The following MTMR2 variants were observed in gnomAD, a reference collection of about 807,000 sequenced individuals.
The protein encoded by MTMR2 is phosphatidylinositol-3,5-bisphosphate 3-phosphatase MTMR2.
In MTMR2, 55 loss-of-function variants were observed where a neutral mutation model predicts 86.9. The observed-to-expected ratio is 0.63, with a 90% CI of 0.51 to 0.79. The LOEUF is 0.79. Ranked by LOEUF, MTMR2 falls within the 30% of genes least tolerant of loss-of-function variation. The pLI, the probability that MTMR2 is intolerant of heterozygous loss-of-function variation, is 0.00. For missense variants in MTMR2, 659 were observed against 772.3 expected, an observed-to-expected ratio of 0.85 and a Z score of 1.74; for synonymous variants, 241 against 266.8, an observed-to-expected ratio of 0.90 and a Z score of 0.94.
At chr11:95,877,409 A>T (rs1016484338) in intron 2 of MTMR2, among the ~76,000 whole-genome samples, 2 of 145,262 alleles carry the variant, frequency 1.4e-5, no homozygotes, top group African/African-American at 2.6e-5. Flanking sequence ...TGAAACCACA[A>T]CTAGCCAAAG....
intron 1 of MTMR2, among the ~76,000 whole-genome samples, chr11:95,909,975 T>A (rs1289015561): frequency 6.6e-6 from 1 of 152,140 alleles, no homozygotes; most frequent in Non-Finnish European, 1.5e-5. Context: ...CTCTATAATG[T>A]AAAATGTCTT....
chr11:95,878,989 G>T (rs1865225806), intron 2 of MTMR2, among the ~76,000 whole-genome samples: 1 of 152,032 alleles, frequency 6.6e-6, no homozygotes, highest in Non-Finnish European at 1.5e-5. Flanking sequence ...ATTTATAAAT[G>T]GGGTCATTGA....
rs575123693 is a variant in MTMR2, at chr11:95,924,073, G to A, written c.-119C>T. The A allele has an allele frequency of 1.5e-4, 201 of 1,341,650 alleles. 1 individual carries two copies. In the South Asian group the frequency reaches 2.2e-3, roughly 15 times the overall value. The allele number at this position is 1,341,650 out of a possible 1,614,324, so 83.1% of individuals were successfully genotyped here. A position where few individuals can be genotyped will look rare whatever the true frequency, so the allele number is the denominator to read the frequency against. On this transcript the variant is annotated 5_prime_UTR_variant, in exon 1 of 15. Transcript: ENST00000346299. ...CAGTCAGGCCAGCGCCGGCCCGGGA[G>A]GGAGACCGGAAGCGGCCATGTTCCC...
intron 1 of MTMR2, among the ~76,000 whole-genome samples, chr11:95,895,944 C>T (rs1262750080): frequency 1.3e-5 from 2 of 152,088 alleles, no homozygotes; most frequent in East Asian, 3.9e-4. Flanking sequence ...TAAAATCCTT[C>T]AGTGGCTCCC....
chr11:95,883,870 C>T, intron 2 of MTMR2, among the ~76,000 whole-genome samples: 1 of 152,118 alleles, frequency 6.6e-6, no homozygotes, highest in East Asian at 1.9e-4. Context: ...GTACCTATAG[C>T]AAAAAACCTA....
chr11:95,837,261 C>A (rs1278989738), intron 13 of MTMR2, among the ~76,000 whole-genome samples: 1 of 151,932 alleles, frequency 6.6e-6, no homozygotes, highest in Non-Finnish European at 1.5e-5. Flanking sequence ...ATTTAATAAT[C>A]TTCATAATTT....
chr11:95,842,379 T>C (rs74947992), intron 11 of MTMR2, among the ~76,000 whole-genome samples: 1 of 152,280 alleles, frequency 6.6e-6, no homozygotes, highest in Non-Finnish European at 1.5e-5. Context: ...GAAAGCACCA[T>C]TCTCTGTTCA....
chr11:95,841,854 G>A (rs931669354), intron 11 of MTMR2, 145 bp from the exon 12 acceptor site: 1 of 698,180 alleles, frequency 1.4e-6, no homozygotes, highest in Admixed American at 2.1e-5. Context: ...CCAACACTTT[G>A]GGAGGCTGTG....
chr11:95,891,818 C>T (rs1865724843), intron 1 of MTMR2, among the ~76,000 whole-genome samples: 1 of 151,956 alleles, frequency 6.6e-6, no homozygotes, highest in Non-Finnish European at 1.5e-5. Context: ...CAGAAACACA[C>T]ACACACACAG....
intron 2 of MTMR2, chr11:95,882,528 T>TA (rs1400794858): frequency 6.6e-6 from 1 of 151,492 alleles, no homozygotes; most frequent in East Asian, 1.9e-4. Context: ...TAAAATAAAA[T>TA]AAAATAATTT....
intron 5 of MTMR2, among the ~76,000 whole-genome samples, chr11:95,859,460 A>C (rs955667218): frequency 6.6e-6 from 1 of 152,210 alleles, no homozygotes; most frequent in African/African-American, 2.4e-5. Context: ...CTGTTATTCC[A>C]ACACTTTGGG....
At chr11:95,868,719 C>T (rs1864732991) in intron 2 of MTMR2, among the ~76,000 whole-genome samples, 1 of 151,320 alleles carries the variant, frequency 6.6e-6, no homozygotes, top group Admixed American at 6.6e-5. Flanking sequence ...TTTTTTTGAA[C>T]TAAAAGAATT....
At chr11:95,865,332 C>T (rs1486291155) in intron 3 of MTMR2, 2 of 427,720 alleles carry the variant, frequency 4.7e-6, no homozygotes, top group Admixed American at 3.8e-5. Context: ...CAAAAATCCA[C>T]CTACTTTTAA....
At chr11:95,872,738 C>T (rs61903336) in intron 2 of MTMR2, among the ~76,000 whole-genome samples, 45 of 151,330 alleles carry the variant, frequency 3.0e-4, no homozygotes, top group African/African-American at 1.1e-3. Flanking sequence ...CAGTATGATA[C>T]TGGCTGTGGG....
At chr11:95,900,824 TA>T (rs1320687731) in intron 1 of MTMR2, among the ~76,000 whole-genome samples, 1 of 152,234 alleles carries the variant, frequency 6.6e-6, no homozygotes, top group African/African-American at 2.4e-5. Flanking sequence ...GAATCATTAA[TA>T]ACACTCAAAT....
chr11:95,908,555 A>G lies in MTMR2; in HGVS notation c.80+15320T>C, dbSNP rs528100367. Among the ~76,000 whole-genome samples the G allele has an allele frequency of 1.3e-3, 202 of 152,288 alleles. 3 individuals are homozygous for G. Among genetic ancestry groups the G allele is most frequent in the African/African-American group, 4.5e-3 (185 of 41,560 alleles). ...CACAGCAATTCTAAACAAAAAGAAC[A>G]AATCTGGAGGCATCACATTGCCCAA... On this transcript the variant is annotated intron_variant, in intron 1 of 14. Coordinates refer to ENST00000346299, the MANE Select transcript of MTMR2 (RefSeq NM_016156.6).
At chr11:95,897,309 T>A (rs556524804) in intron 1 of MTMR2, among the ~76,000 whole-genome samples, 6 of 152,184 alleles carry the variant, frequency 3.9e-5, no homozygotes, top group East Asian at 1.9e-4. Context: ...TTAAAATAAA[T>A]TTTTTATACA....
rs745547533 is a variant in MTMR2, at chr11:95,850,753, C to T, written c.655-4G>A. On this transcript the variant is annotated splice_polypyrimidine_tract_variant and splice_region_variant and intron_variant, in intron 7 of 14. Coordinates refer to ENST00000346299, the MANE Select transcript of MTMR2 (RefSeq NM_016156.6). ...TCCAGCTTTCATTTGGAATTCCCTA[C>T]ATGTGAAATGAAACATAAGACAAAT... is the stretch of plus-strand genomic sequence containing the variant. The T allele has an allele frequency of 1.2e-6, 2 of 1,612,764 alleles. No individual in the cohort carries two copies. The highest frequency in any genetic ancestry group is 1.7e-5 in the Admixed American group (1 of 60,012).
intron 1 of MTMR2, among the ~76,000 whole-genome samples, chr11:95,891,800 G>T (rs1865723924): frequency 6.6e-6 from 1 of 152,052 alleles, no homozygotes; most frequent in Non-Finnish European, 1.5e-5. Context: ...CTGTTCTTGT[G>T]ATTACGGCAG....
Sources: allele counts gnomAD v4.1 joint callset (sites outside exome capture counted in the v4.1 genomes callset), GRCh38; gene constraint gnomAD v4.1.1; transcripts MANE v1.5; gene names NCBI Gene and HGNC (gene_info 2026-07-23, HGNC 2026-07-21).